PRDM16: variants seen among roughly 807,000 people sequenced by gnomAD.
PRDM16 encodes PR/SET domain 16.
PRDM16 carries 23 observed loss-of-function variants against 110.6 expected under a neutral mutation model. The observed-to-expected ratio is 0.21, with a 90% CI of 0.15 to 0.29. The LOEUF (loss-of-function observed/expected upper bound fraction) is 0.29. PRDM16 is among the 10% of genes least tolerant of loss of function. The pLI is 1.00. For synonymous variants in PRDM16, 799 were observed against 781.8 expected (o/e 1.02, Z -0.37); for missense variants, 1,615 against 1,794.3 (o/e 0.90, Z 1.81).
At chr1:3,376,656 C>G (rs549088301) in intron 3 of PRDM16, among the ~76,000 whole-genome samples, 2 of 152,278 alleles carry the variant, frequency 1.3e-5, no homozygotes, top group African/African-American at 4.8e-5. Flanking sequence ...TGGCTTCCAT[C>G]TTGGAGGAAT....
chr1:3,226,927 C>T (rs1639301838), intron 2 of PRDM16, among the ~76,000 whole-genome samples: 1 of 152,220 alleles, frequency 6.6e-6, no homozygotes, highest in Admixed American at 6.5e-5. Context: ...CCTCAAATTA[C>T]TAATTACACA....
chr1:3,366,482 G>A (rs557840442), intron 3 of PRDM16, among the ~76,000 whole-genome samples: 1 of 152,328 alleles, frequency 6.6e-6, no homozygotes, highest in African/African-American at 2.4e-5. Context: ...GCTGTGCAGC[G>A]GGCCTCCCAG....
intron 3 of PRDM16, among the ~76,000 whole-genome samples, chr1:3,340,903 A>C (rs1642257027): frequency 6.6e-6 from 1 of 152,208 alleles, no homozygotes; most frequent in African/African-American, 2.4e-5. Flanking sequence ...GCCGTGCTGC[A>C]GCAGGACAGA....
chr1:3,214,468 G>A (rs10909900), intron 2 of PRDM16, among the ~76,000 whole-genome samples: 19,789 of 152,172 alleles, frequency 0.13, 1,836 homozygotes, highest in African/African-American at 0.25. Flanking sequence ...AGGCCAAGAC[G>A]GGCAGATCAC....
intron 1 of PRDM16, among the ~76,000 whole-genome samples, chr1:3,100,030 C>T (rs1246832721): frequency 6.6e-6 from 1 of 152,158 alleles, no homozygotes; most frequent in Non-Finnish European, 1.5e-5. Flanking sequence ...CGTAGAGGAG[C>T]CTGCTCCTCT....
At chr1:3,257,119 C>G (rs941937985) in intron 3 of PRDM16, among the ~76,000 whole-genome samples, 1 of 152,118 alleles carries the variant, frequency 6.6e-6, no homozygotes, top group African/African-American at 2.4e-5. Context: ...CAGTAAGTGG[C>G]GAAGGTAGTC....
chr1:3,165,337 G>GGACTCACCTGGGCTCAGGGACGGT lies in PRDM16; in HGVS notation c.38-20770_38-20747dup, dbSNP rs1243813747. ...GGGTTGCACTTGGCCTCAGGGGCAT[G>GGACTCACCTGGGCTCAGGGACGGT]GACTCACCTGGGCTCAGGGACGGTG... On this transcript the variant is annotated intron_variant, in intron 1 of 16. Transcript: ENST00000270722. 3.4e-4 allele frequency among the ~76,000 whole-genome samples: 51 copies of GGACTCACCTGGGCTCAGGGACGGT among 150,034 alleles called. 1 individual carries two copies. Among genetic ancestry groups the GGACTCACCTGGGCTCAGGGACGGT allele is most frequent in the Non-Finnish European group, 6.1e-4 (41 of 67,482 alleles).
intron 3 of PRDM16, among the ~76,000 whole-genome samples, chr1:3,363,778 G>C (rs1642760222): frequency 6.6e-6 from 1 of 152,110 alleles, no homozygotes; most frequent in African/African-American, 2.4e-5. Flanking sequence ...TGAAATGTCA[G>C]GACCAAAATC....
intron 3 of PRDM16, among the ~76,000 whole-genome samples, chr1:3,299,068 T>G (rs2455142): frequency 0.46 from 70,196 of 152,108 alleles, 17,135 homozygotes; most frequent in Non-Finnish European, 0.53. Context: ...TTCTCTCCTC[T>G]CCCTCAAGAC....
intron 3 of PRDM16, among the ~76,000 whole-genome samples, chr1:3,337,139 A>T (rs10909933): frequency 0.33 from 49,878 of 150,294 alleles, 8,605 homozygotes; most frequent in East Asian, 0.57. Flanking sequence ...ATGCATGCAC[A>T]TATGTGTTGG....
Position 3,069,226 on chromosome 1 carries a change from A to G in PRDM16, c.-34A>G. On this transcript the variant is annotated 5_prime_UTR_variant, in exon 1 of 17. Coordinates refer to ENST00000270722, the MANE Select transcript of PRDM16 (RefSeq NM_022114.4). The surrounding 1 kb of genome is among the most constrained non-coding windows in gnomAD (Gnocchi z 6.1). ...ATAGTGTGTGGCTGCTTCTGGACTC[A>G]AGGAGGAGGAGAGAGATTCCGCGAG... The G allele has an allele frequency of 4.4e-6, 7 of 1,573,532 alleles. No individual in the cohort carries two copies. Among genetic ancestry groups the G allele is most frequent in the East Asian group, 2.4e-5 (1 of 41,040 alleles).
Position 3,346,695 on chromosome 1 carries a change from C to G in PRDM16, c.439-38457C>G, listed in dbSNP as rs542400021. ...CACAGGCAGATGCATCTTCTCACCCCGGCTGCACCCAGACTGGGGTCACTT... is the reference window on the plus strand; with the variant it reads ...CACAGGCAGATGCATCTTCTCACCCGGGCTGCACCCAGACTGGGGTCACTT... On this transcript the variant is annotated intron_variant, in intron 3 of 16. Coordinates refer to ENST00000270722, the MANE Select transcript of PRDM16 (RefSeq NM_022114.4). Among the ~76,000 whole-genome samples the G allele has an allele frequency of 2.0e-5, 3 of 152,274 alleles. No individual in the cohort carries two copies. In the South Asian group the frequency reaches 6.2e-4, roughly 32 times the overall value.
chr1:3,199,957 C>T (rs1380048813), intron 2 of PRDM16, among the ~76,000 whole-genome samples: 3 of 152,264 alleles, frequency 2.0e-5, no homozygotes, highest in African/African-American at 7.2e-5. Flanking sequence ...CTCTCTCCCC[C>T]CACCAGGGGA....
chr1:3,275,804 G>A (rs1356088529), intron 3 of PRDM16, among the ~76,000 whole-genome samples: 45 of 152,180 alleles, frequency 3.0e-4, no homozygotes, highest in Admixed American at 2.9e-3. Flanking sequence ...TCCAAACTGG[G>A]GAGAGCCGTG....
At position 3,411,979 on chromosome 1, in the gene PRDM16, GAGC is replaced by G. The variant is rs1338630255; in HGVS notation, c.1786_1788del (p.Ser596del). 2 of 1,613,564 alleles carry G rather than the reference GAGC, an allele frequency of 1.2e-6. No homozygotes were observed. Among genetic ancestry groups the G allele is most frequent in the Non-Finnish European group, 1.7e-6 (2 of 1,179,996 alleles). ...CCTGTGTGGAGAAGCTGAAGACCAG[GAGC>G]AGCGACATGTCGGACGGCAGTGACT... On this transcript the variant is annotated inframe_deletion, in exon 9 of 17. Coordinates refer to ENST00000270722, the MANE Select transcript of PRDM16 (RefSeq NM_022114.4).
At chr1:3,329,409 G>A (rs1043801395) in intron 3 of PRDM16, among the ~76,000 whole-genome samples, 4 of 152,154 alleles carry the variant, frequency 2.6e-5, no homozygotes, top group African/African-American at 9.7e-5. Flanking sequence ...AGTTTTGCAG[G>A]AATGGAATTA....
chr1:3,373,641 A>G (rs1210615354), intron 3 of PRDM16, among the ~76,000 whole-genome samples: 2 of 152,184 alleles, frequency 1.3e-5, no homozygotes, highest in African/African-American at 2.4e-5. Context: ...TGCAGGCAGG[A>G]CAGACGCGGG....
Position 3,158,707 on chromosome 1 carries a change from CTTTCTTTCTTCCT to C in PRDM16, c.38-27405_38-27393del, listed in dbSNP as rs1055069597. Among the ~76,000 whole-genome samples the C allele has an allele frequency of 3.4e-5, 5 of 149,018 alleles. No homozygotes were observed. In the Admixed American group the frequency reaches 3.4e-4, roughly 10 times the overall value. On this transcript the variant is annotated intron_variant, in intron 1 of 16. Transcript: ENST00000270722. ...TTTCTCTTTCTCTTTTTTTCTCTTT[CTTTCTTTCTTCCT>C]TTTCTTTCTTCCCTTTCTTCCCTTT...
intron 2 of PRDM16, among the ~76,000 whole-genome samples, chr1:3,218,609 C>G (rs189406315): frequency 6.6e-6 from 1 of 152,242 alleles, no homozygotes; most frequent in Non-Finnish European, 1.5e-5. Flanking sequence ...AAGGGATGTT[C>G]TCTGCCTTCC....
Sources: allele counts gnomAD v4.1 joint callset (sites outside exome capture counted in the v4.1 genomes callset), GRCh38; gene constraint gnomAD v4.1.1; non-coding constraint Gnocchi (gnomAD v3.1); transcripts MANE v1.5; gene names NCBI Gene and HGNC (gene_info 2026-07-23, HGNC 2026-07-21).